SIRT1: variants seen among roughly 807,000 people sequenced by gnomAD.
The protein encoded by SIRT1 is NAD-dependent protein deacetylase sirtuin-1.
Under a neutral mutation model 67.9 loss-of-function variants are expected in SIRT1, and 24 were observed. That is an observed-to-expected ratio of 0.35 (90% CI 0.26 to 0.50). SIRT1 has a LOEUF of 0.50. Among genes scored for constraint, SIRT1 ranks in the 20% least tolerant of loss-of-function variants. The pLI is 0.98. For synonymous variants in SIRT1, 378 were observed against 350.7 expected, an observed-to-expected ratio of 1.08 and a Z score of -0.87; for missense variants, 873 against 937.2, an observed-to-expected ratio of 0.93 and a Z score of 0.89.
chr10:67,907,045 C>A, intron 5 of SIRT1, 108 bp downstream of exon 5: 1 of 970,546 alleles, frequency 1.0e-6, no homozygotes, highest in Non-Finnish European at 1.4e-6. Flanking sequence ...ATTATTTAAT[C>A]ATGTTATCTC....
chr10:67,902,610 G>T (rs1165773135), intron 4 of SIRT1, among the ~76,000 whole-genome samples: 1 of 152,194 alleles, frequency 6.6e-6, no homozygotes, highest in Non-Finnish European at 1.5e-5. Context: ...AGACAGGAGG[G>T]ATTATGAGGA....
At chr10:67,908,771 A>T (rs1401919596) in intron 6 of SIRT1, among the ~76,000 whole-genome samples, 1 of 152,148 alleles carries the variant, frequency 6.6e-6, no homozygotes, top group Non-Finnish European at 1.5e-5. Flanking sequence ...GCATGGTGGC[A>T]TATGCCTTTA....
At chr10:67,911,872 A>C (rs574246145) in intron 7 of SIRT1, among the ~76,000 whole-genome samples, 1 of 144,202 alleles carries the variant, frequency 6.9e-6, no homozygotes, top group South Asian at 2.2e-4. Flanking sequence ...TCCCGTGTTC[A>C]AGCAGTTCTC....
At chr10:67,910,727 G>A (rs1001394778) in intron 7 of SIRT1, among the ~76,000 whole-genome samples, 1 of 152,154 alleles carries the variant, frequency 6.6e-6, no homozygotes, top group African/African-American at 2.4e-5. Flanking sequence ...CCAAAAGGGT[G>A]TGTATATAAA....
intron 4 of SIRT1, among the ~76,000 whole-genome samples, chr10:67,904,693 A>G (rs35819660): frequency 0.011 from 1,628 of 152,204 alleles, 36 homozygotes; most frequent in African/African-American, 0.037. Flanking sequence ...TAAAAATACA[A>G]AATTAGCTGG....
At chr10:67,897,904 G>A (rs1842682407) in intron 4 of SIRT1, among the ~76,000 whole-genome samples, 2 of 146,474 alleles carry the variant, frequency 1.4e-5, no homozygotes, top group South Asian at 2.2e-4. Context: ...ATGAGTGGTT[G>A]TATTTAGAGT....
chr10:67,889,207 G>C, intron 3 of SIRT1, 84 bp downstream of exon 3: 2 of 1,423,516 alleles, frequency 1.4e-6, no homozygotes, highest in Non-Finnish European at 1.9e-6. Context: ...TGGTTTAGAA[G>C]GATTTATCCT....
chr10:67,902,955 G>A (rs1842764979), intron 4 of SIRT1, among the ~76,000 whole-genome samples: 1 of 152,158 alleles, frequency 6.6e-6, no homozygotes, highest in Non-Finnish European at 1.5e-5. Context: ...GCTGAATGTG[G>A]TGGCGCGCAC....
chr10:67,895,760 T>TTG (rs1459241769), intron 4 of SIRT1, among the ~76,000 whole-genome samples: 10 of 137,044 alleles, frequency 7.3e-5, no homozygotes, highest in Non-Finnish European at 1.5e-4. Flanking sequence ...TTTTTTTTTT[T>TTG]GAGACAGTTT....
In SIRT1 at chr10:67,895,745, TTTG is replaced by T. The variant is rs1258494124; in HGVS notation, c.942+4194_942+4196del. 7.7e-4 allele frequency among the ~76,000 whole-genome samples: 71 copies of T among 91,702 alleles called. 18 individuals carry two copies. Among genetic ancestry groups the T allele is most frequent in the African/African-American group, 2.1e-3 (44 of 20,608 alleles). The allele number at this position is 91,702 out of a possible 152,430, so 60.2% of individuals were successfully genotyped here. ...TGAGAATTAACTTGTTTTTTTTTTTTTTGTTTTTTTTTTTTGAGACAGTTTTGC... is the reference window on the plus strand; with the variant it reads ...TGAGAATTAACTTGTTTTTTTTTTTTTTTTTTTTTTTTGAGACAGTTTTGC... On this transcript the variant is annotated intron_variant, in intron 4 of 8. Transcript: ENST00000212015.
chr10:67,888,712 C>G (rs1002954116), intron 2 of SIRT1, among the ~76,000 whole-genome samples, 170 bp from the exon 3 acceptor site: 1 of 152,144 alleles, frequency 6.6e-6, no homozygotes, highest in African/African-American at 2.4e-5. Flanking sequence ...TTCCTAATCT[C>G]ATTGGGATAT....
In SIRT1 at chr10:67,906,362, T is replaced by A. The variant is rs868199760; in HGVS notation, c.943-428T>A. 8.6e-5 allele frequency: 126 copies of A among 1,463,594 alleles called. 1 individual carries two copies. The Middle Eastern group carries it at 1.2e-3, about 14-fold the overall frequency. The allele number at this position is 1,463,594 out of a possible 1,614,324, so 90.7% of individuals were successfully genotyped here. A position where few individuals can be genotyped will look rare whatever the true frequency, so the allele number is the denominator to read the frequency against. On this transcript the variant is annotated intron_variant, in intron 4 of 8. Coordinates refer to ENST00000212015, the MANE Select transcript of SIRT1 (RefSeq NM_012238.5). The stretch of plus-strand genomic sequence containing the variant: ...TGAATGATAAATCAAAAAAAAATTT[T>A]AAATATTCTTGTATTGACAGTGCTT...
chr10:67,906,997 C>G (rs1390715917), intron 5 of SIRT1, 60 bp downstream of exon 5: 3 of 1,403,110 alleles, frequency 2.1e-6, no homozygotes, highest in Admixed American at 6.3e-5. Context: ...AAGATATTTC[C>G]TATAAAGCTG....
intron 4 of SIRT1, among the ~76,000 whole-genome samples, chr10:67,899,397 A>G (rs1474965609): frequency 6.6e-6 from 1 of 151,786 alleles, no homozygotes; most frequent in Non-Finnish European, 1.5e-5. Flanking sequence ...TCTTTCAAAA[A>G]TCATATATCT....
rs1428395638 is a variant in SIRT1, at chr10:67,904,796, A to G, written c.943-1994A>G. ...GAGGTGGAGGTTGTGGTGAGCTGAG[A>G]TCGCGCCATTGCACTCCAGCCTGGG... On this transcript the variant is annotated intron_variant, in intron 4 of 8. Transcript: ENST00000212015. Among the ~76,000 whole-genome samples the G allele has an allele frequency of 3.3e-5, 5 of 151,820 alleles. No homozygotes were observed. The East Asian group carries it at 9.7e-4, about 30-fold the overall frequency.
rs1255272078 is a variant in SIRT1 at position 67,907,514 on chromosome 10, AG to A, written c.1091-531del. Among the ~76,000 whole-genome samples the A allele has an allele frequency of 2.2e-3, 263 of 119,810 alleles. 4 individuals are homozygous for A. The highest frequency in any genetic ancestry group is 6.1e-3 in the East Asian group (24 of 3,946). The allele number at this position is 119,810 out of a possible 152,430, so 78.6% of individuals were successfully genotyped here. Reference sequence around the variant, plus strand: ...TCAAAAAAAAAAAAAAAAAAGAAAAAGAAATTCTGAATACAAGAGTAGTATT... The same window carrying A: ...TCAAAAAAAAAAAAAAAAAAGAAAAAAAATTCTGAATACAAGAGTAGTATT... On this transcript the variant is annotated intron_variant, in intron 5 of 8. Coordinates refer to ENST00000212015, the MANE Select transcript of SIRT1 (RefSeq NM_012238.5).
chr10:67,906,206 A>G (rs771291447), intron 4 of SIRT1: 1 of 1,472,426 alleles, frequency 6.8e-7, no homozygotes, highest in Non-Finnish European at 9.0e-7. Context: ...AAACACACAC[A>G]CAAAATCCAG....
At chr10:67,910,356 C>T (rs1171118860) in intron 7 of SIRT1, among the ~76,000 whole-genome samples, 1 of 152,090 alleles carries the variant, frequency 6.6e-6, no homozygotes, top group African/African-American at 2.4e-5. Context: ...GCCTGGGTGA[C>T]AGAGTGGGAC....
Position 67,884,973 on chromosome 10 carries a change from G to A in SIRT1, c.252G>A (p.Ala84=). The change falls in exon 1 of 9, where the codon GCG becomes GCA. Residue 84 remains alanine (A), a synonymous_variant. Coordinates refer to ENST00000212015, the MANE Select transcript of SIRT1 (RefSeq NM_012238.5). The part of the protein sequence containing the change: ...ALWREAEAEA[A]AAGGEQEAQA... ...GGCGGGAGGCGGAGGCAGAGGCGGC[G>A]GCGGCAGGCGGGGAGCAAGAGGCCC... The A allele has an allele frequency of 1.6e-6, 2 of 1,265,844 alleles. No individual in the cohort carries two copies. Among genetic ancestry groups the A allele is most frequent in the Non-Finnish European group, 2.0e-6 (2 of 1,004,590 alleles). The allele number at this position is 1,265,844 out of a possible 1,614,324, so 78.4% of individuals were successfully genotyped here.
Sources: allele counts gnomAD v4.1 joint callset (sites outside exome capture counted in the v4.1 genomes callset), GRCh38; gene constraint gnomAD v4.1.1; transcripts MANE v1.5; gene names NCBI Gene and HGNC (gene_info 2026-07-23, HGNC 2026-07-21).